Variants in AMDHD2 observed in about 807,000 individuals in gnomAD.
AMDHD2 encodes the protein N-acetylglucosamine-6-phosphate deacetylase.
In AMDHD2, 24 loss-of-function variants were observed where a neutral mutation model predicts 41.8. The observed-to-expected ratio is 0.57, with a 90% CI of 0.42 to 0.81. AMDHD2 has a LOEUF of 0.81. Ranked by LOEUF, AMDHD2 falls within the 30% of genes least tolerant of loss-of-function variation. The pLI, the probability that AMDHD2 is intolerant of heterozygous loss-of-function variation, is 0.00. For missense variants in AMDHD2, 540 were observed against 588.5 expected (o/e 0.92, Z 0.85); for synonymous variants, 332 against 255.5 (o/e 1.30, Z -2.85).
At chr16:2,524,166 G>A (rs751043110) in intron 3 of AMDHD2, among the ~76,000 whole-genome samples, 1 of 152,192 alleles carries the variant, frequency 6.6e-6, no homozygotes, top group African/African-American at 2.4e-5. Flanking sequence ...CCCCTGTGCC[G>A]TGCACGCCAC....
chr16:2,522,405 G>A (rs1278130083), intron 3 of AMDHD2, among the ~76,000 whole-genome samples: 5 of 152,046 alleles, frequency 3.3e-5, no homozygotes, highest in African/African-American at 4.8e-5. Flanking sequence ...TTTTTCGGCC[G>A]GGCGCGGTGG....
At position 2,529,590 on chromosome 16, in the gene AMDHD2, G is replaced by A. The variant is rs984384430; in HGVS notation, c.*27G>A. 6.2e-7 allele frequency: 1 copy of A among 1,603,688 alleles called. No homozygotes were observed. Among genetic ancestry groups the A allele is most frequent in the Admixed American group, 1.7e-5 (1 of 59,984 alleles). ...AAGGACCTCGGCTGAGAGGACACCT[G>A]GCCGCAGCGGGATGCCATCAGGGCC... On this transcript the variant is annotated 3_prime_UTR_variant, in exon 11 of 11. Transcript: ENST00000293971.
chr16:2,521,145 G>A, intron 3 of AMDHD2, 22 bp downstream of exon 3: 1 of 1,539,128 alleles, frequency 6.5e-7, no homozygotes. Flanking sequence ...CTCCCTGGCT[G>A]AGGTGGAGGG....
At position 2,530,456 on chromosome 16, in the gene AMDHD2, G is replaced by A. The variant is rs976651249; in HGVS notation, c.*893G>A. The A allele has an allele frequency of 2.5e-6, 4 of 1,614,120 alleles. No homozygotes were observed. Among genetic ancestry groups the A allele is most frequent in the Non-Finnish European group, 3.4e-6 (4 of 1,180,006 alleles). On this transcript the variant is annotated 3_prime_UTR_variant, in exon 11 of 11. Coordinates refer to ENST00000293971, the MANE Select transcript of AMDHD2 (RefSeq NM_001330449.2). Reference sequence around the variant, plus strand: ...GCGGGTGGGCTTCTGGAGCCCTCTTGGCTCTGAGGACAGCCACAGTGGGGT... The same window carrying A: ...GCGGGTGGGCTTCTGGAGCCCTCTTAGCTCTGAGGACAGCCACAGTGGGGT...
chr16:2,527,635 C>T lies in AMDHD2; in HGVS notation c.415+20C>T. ...TCCTCGGTGAGTGGCTGACCTCCTC[C>T]CCGCCCCCACCCTGGGAGGCTCCTG... On this transcript the variant is annotated intron_variant, in intron 4 of 10. Transcript: ENST00000293971. This position sits in a 1 kb window ranked among gnomAD's most constrained non-coding sequence, Gnocchi z 6.1. 1.2e-6 allele frequency: 2 copies of T among 1,603,818 alleles called. No homozygotes were observed. The highest frequency in any genetic ancestry group is 1.7e-6 in the Non-Finnish European group (2 of 1,176,204).
chr16:2,528,402 G>A (rs1445775541), intron 7 of AMDHD2, 22 bp downstream of exon 7: 1 of 1,612,838 alleles, frequency 6.2e-7, no homozygotes, highest in Non-Finnish European at 8.5e-7. Context: ...CAGGTGGCCA[G>A]GACAGGTAGG....
chr16:2,528,907 T>G, intron 9 of AMDHD2, 87 bp from the exon 10 acceptor site: 1 of 1,483,376 alleles, frequency 6.7e-7, no homozygotes, highest in Non-Finnish European at 9.1e-7. Flanking sequence ...GCAGAGTCCC[T>G]GAGACAGGGA....
chr16:2,529,330 C>A (rs935126085), intron 10 of AMDHD2, 145 bp from the exon 11 acceptor site: 16 of 1,325,294 alleles, frequency 1.2e-5, no homozygotes, highest in African/African-American at 2.9e-5. Flanking sequence ...GTACCTCTGT[C>A]CATCTGTGAT....
rs747363750 is a variant in AMDHD2, at chr16:2,531,193, C to T, written c.*1630C>T. 41 of 1,301,446 alleles carry T rather than the reference C, an allele frequency of 3.2e-5. No individual in the cohort carries two copies. Among genetic ancestry groups the T allele is most frequent in the Middle Eastern group, 2.8e-4 (1 of 3,590 alleles). 80.6% of individuals were successfully genotyped at this position (1,301,446 alleles called of 1,614,324 possible). On this transcript the variant is annotated 3_prime_UTR_variant, in exon 11 of 11. Coordinates refer to ENST00000293971, the MANE Select transcript of AMDHD2 (RefSeq NM_001330449.2). Reference sequence around the variant, plus strand: ...CTGGCCTGCCCCATTCACCGGCCAGCGCCCCACCTCCCTGGCTGGAGGGTC... The same window carrying T: ...CTGGCCTGCCCCATTCACCGGCCAGTGCCCCACCTCCCTGGCTGGAGGGTC...
Position 2,527,110 on chromosome 16 carries a change from G to A in AMDHD2, c.361-451G>A, listed in dbSNP as rs942208904. The A allele has an allele frequency of 2.0e-5, 4 of 204,820 alleles. No individual in the cohort carries two copies. Among genetic ancestry groups the A allele is most frequent in the East Asian group, 3.4e-4 (2 of 5,866 alleles). 12.7% of individuals were successfully genotyped at this position (204,820 alleles called of 1,614,324 possible). On this transcript the variant is annotated intron_variant, in intron 3 of 10. Coordinates refer to ENST00000293971, the MANE Select transcript of AMDHD2 (RefSeq NM_001330449.2). The surrounding 1 kb of genome is among the most constrained non-coding windows in gnomAD (Gnocchi z 6.1). ...CCACCTGTTAGCCTCTGAGATGTGT[G>A]GTGTGAGCCCGTGTCCCCCCGTTCC...
Position 2,527,838 on chromosome 16 carries a change from C to T in AMDHD2, c.481C>T (p.Arg161Cys), listed in dbSNP as rs753112957. Residue 161 changes from arginine (R) to cysteine (C), a missense_variant, in exon 5 of 11, where the codon CGC (arginine) becomes TGC (cysteine). Transcript: ENST00000293971. The surrounding 1 kb of genome is among the most constrained non-coding windows in gnomAD (Gnocchi z 6.1). ...GGGCGCGCACCCCGAGGCCCACCTC[C>T]GCTCCTTCGAGGCCGATGCCTTCCA... ...KRGAHPEAHL[R>C]SFEADAFQDL... The T allele has an allele frequency of 1.3e-5, 21 of 1,596,694 alleles. No individual in the cohort carries two copies. Among genetic ancestry groups the T allele is most frequent in the Non-Finnish European group, 1.7e-5 (20 of 1,178,496 alleles).
chr16:2,531,100 G>T lies in AMDHD2; in HGVS notation c.*1537G>T. ...CTCAGCTAAAACCCAGAGCTGGCAT[G>T]TTGGTCATCCCCACCTCAGACGGGA... On this transcript the variant is annotated 3_prime_UTR_variant, in exon 11 of 11. Transcript: ENST00000293971. The T allele has an allele frequency of 1.9e-6, 3 of 1,565,104 alleles. No individual in the cohort carries two copies. Among genetic ancestry groups the T allele is most frequent in the Non-Finnish European group, 2.6e-6 (3 of 1,151,684 alleles).
chr16:2,526,718 GT>G (rs1318917491), intron 3 of AMDHD2, among the ~76,000 whole-genome samples: 1 of 152,048 alleles, frequency 6.6e-6, no homozygotes, highest in East Asian at 1.9e-4. Context: ...TGGGTGTTTG[GT>G]CAGGAGTTTG....
At chr16:2,522,766 G>C (rs1190100287) in intron 3 of AMDHD2, among the ~76,000 whole-genome samples, 1 of 151,998 alleles carries the variant, frequency 6.6e-6, no homozygotes, top group African/African-American at 2.4e-5. Flanking sequence ...CTACTGCCTC[G>C]GCCTCCCATA....
At chr16:2,522,875 C>T (rs2065960080) in intron 3 of AMDHD2, among the ~76,000 whole-genome samples, 2 of 149,200 alleles carry the variant, frequency 1.3e-5, no homozygotes, top group Non-Finnish European at 3.0e-5. Context: ...ACATAGTCTC[C>T]CTTTGTTGAC....
At position 2,527,827 on chromosome 16, in the gene AMDHD2, A is replaced by G; in HGVS notation, c.470A>G (p.Glu157Gly). Residue 157 changes from glutamate (E) to glycine (G), a missense_variant, in exon 5 of 11, where the codon GAG becomes GGG. Transcript: ENST00000293971. This position sits in a 1 kb window ranked among gnomAD's most constrained non-coding sequence, Gnocchi z 6.1. Reference sequence around the variant, plus strand: ...CGGGAGAAGCGGGGCGCGCACCCCGAGGCCCACCTCCGCTCCTTCGAGGCC... The same window carrying G: ...CGGGAGAAGCGGGGCGCGCACCCCGGGGCCCACCTCCGCTCCTTCGAGGCC... ...ISREKRGAHP[E>G]AHLRSFEADA... is the part of the protein sequence containing the mutation. 1 of 1,594,164 alleles carries G rather than the reference A, an allele frequency of 6.3e-7. No individual in the cohort carries two copies. Among genetic ancestry groups the G allele is most frequent in the Non-Finnish European group, 8.5e-7 (1 of 1,176,536 alleles).
At position 2,529,849 on chromosome 16, in the gene AMDHD2, T is replaced by C; in HGVS notation, c.*286T>C. 3 of 1,375,190 alleles carry C rather than the reference T, an allele frequency of 2.2e-6. No homozygotes were observed. The highest frequency in any genetic ancestry group is 1.6e-5 in the South Asian group (1 of 62,856). The allele number at this position is 1,375,190 out of a possible 1,614,324, so 85.2% of individuals were successfully genotyped here. ...GCTGGGCTGTAGTTTAGCCTGGGCC[T>C]TGGGCCCCAGTGGGGGACAGGGCCT... On this transcript the variant is annotated 3_prime_UTR_variant, in exon 11 of 11. Transcript: ENST00000293971.
intron 3 of AMDHD2, among the ~76,000 whole-genome samples, chr16:2,523,148 T>A (rs1218520903): frequency 1.3e-5 from 2 of 152,176 alleles, no homozygotes; most frequent in Non-Finnish European, 2.9e-5. Flanking sequence ...AACCAATACT[T>A]AACTATTTCT....
chr16:2,524,181 TC>T (rs1191520726), intron 3 of AMDHD2, among the ~76,000 whole-genome samples: 1 of 152,232 alleles, frequency 6.6e-6, no homozygotes, highest in African/African-American at 2.4e-5. Flanking sequence ...CGCCACCTCT[TC>T]CAGGGCCCAC....
Sources: gnomAD v4.1 joint callset for allele counts (sites outside exome capture counted in the v4.1 genomes callset) on GRCh38, gnomAD v4.1.1 for gene constraint, Gnocchi (gnomAD v3.1) non-coding constraint, MANE v1.5 for transcripts, NCBI Gene and HGNC (gene_info 2026-07-23, HGNC 2026-07-21) for gene names.